Variants in GREB1L observed in about 807,000 individuals in gnomAD.
GREB1L encodes GREB1 like retinoic acid receptor coactivator, also known as GREB1-like protein.
Under a neutral mutation model 200.8 loss-of-function variants are expected in GREB1L, and 17 were observed. That is an observed-to-expected ratio of 0.08 (90% CI 0.06 to 0.13). The LOEUF (loss-of-function observed/expected upper bound fraction) is 0.13, where lower values mean the gene tolerates loss of function less well. GREB1L is among the 10% of genes least tolerant of loss of function. GREB1L has a pLI of 1.00. For synonymous variants in GREB1L, 789 were observed against 893.0 expected, an observed-to-expected ratio of 0.88 and a Z score of 2.08; for missense variants, 1,657 against 2,367.7, an observed-to-expected ratio of 0.70 and a Z score of 6.23.
chr18:21,456,205 C>T (rs948646212), intron 15 of GREB1L, among the ~76,000 whole-genome samples: 6 of 152,120 alleles, frequency 3.9e-5, no homozygotes, highest in Admixed American at 3.3e-4. Flanking sequence ...CATACCCAGC[C>T]CGGATTCTGC....
intron 25 of GREB1L, among the ~76,000 whole-genome samples, chr18:21,507,802 ACAGATATAT>A (rs1467749881): frequency 6.6e-6 from 1 of 152,216 alleles, no homozygotes; most frequent in African/African-American, 2.4e-5. Context: ...AGGACATCCC[ACAGATATAT>A]CTGACCTCTG....
intron 17 of GREB1L, among the ~76,000 whole-genome samples, chr18:21,482,149 G>T (rs1399978636): frequency 6.6e-6 from 1 of 152,200 alleles, no homozygotes; most frequent in Non-Finnish European, 1.5e-5. Flanking sequence ...AAAATGGATG[G>T]GAGACATGGT....
At chr18:21,329,720 G>A (rs1050400831) in intron 1 of GREB1L, among the ~76,000 whole-genome samples, 2 of 152,056 alleles carry the variant, frequency 1.3e-5, no homozygotes, top group African/African-American at 4.8e-5. Flanking sequence ...CAAAAACAAT[G>A]AGGATTGGTC....
Position 21,517,265 on chromosome 18 carries a change from A to AT in GREB1L, c.5271+513dup, listed in dbSNP as rs2037452449. Among the ~76,000 whole-genome samples, 3 of 152,314 alleles carry AT rather than the reference A, an allele frequency of 2.0e-5. No individual in the cohort carries two copies. In the South Asian group the frequency reaches 6.2e-4, roughly 32 times the overall value. On this transcript the variant is annotated intron_variant, in intron 30 of 32. Transcript: ENST00000424526. ...ACATTTGTTTTGACAATCCAACAAA[A>AT]TTACTTTAGATGTCAGCCTTAAATC...
chr18:21,248,655 A>T (rs2037647172), intron 1 of GREB1L, among the ~76,000 whole-genome samples: 1 of 152,268 alleles, frequency 6.6e-6, no homozygotes, highest in Non-Finnish European at 1.5e-5. Context: ...AAATGATTAC[A>T]ACTTTTCTGG....
At chr18:21,516,797 A>G (rs759413642) in intron 30 of GREB1L, 43 bp downstream of exon 30, 5 of 1,520,224 alleles carry the variant, frequency 3.3e-6, no homozygotes, top group Non-Finnish European at 4.5e-6. Flanking sequence ...AATAAGCACA[A>G]TGATAATGAC....
At chr18:21,522,060 C>T (rs28433071) in intron 32 of GREB1L, among the ~76,000 whole-genome samples, 29,053 of 144,912 alleles carry the variant, frequency 0.2, 3,435 homozygotes, top group Middle Eastern at 0.3. Context: ...TTATCCAAGT[C>T]CAATAGTGCT....
At chr18:21,430,580 TC>T (rs1316784421) in intron 7 of GREB1L, among the ~76,000 whole-genome samples, 11 of 131,710 alleles carry the variant, frequency 8.4e-5, no homozygotes, top group South Asian at 2.5e-4. Context: ...TGATTTGGGA[TC>T]TTTTTTTTTT....
At chr18:21,300,974 G>A (rs550371425) in intron 1 of GREB1L, among the ~76,000 whole-genome samples, 2 of 152,282 alleles carry the variant, frequency 1.3e-5, no homozygotes, top group East Asian at 3.9e-4. Context: ...GGAAGTTTGA[G>A]TCTTTCCTGT....
chr18:21,249,809 G>A (rs1272952646), intron 1 of GREB1L, among the ~76,000 whole-genome samples: 1 of 151,550 alleles, frequency 6.6e-6, no homozygotes, highest in Non-Finnish European at 1.5e-5. Context: ...GCGGTGAGCT[G>A]AGATTGCGCC....
chr18:21,473,498 G>A (rs1278755739), intron 16 of GREB1L, among the ~76,000 whole-genome samples: 2 of 150,696 alleles, frequency 1.3e-5, no homozygotes, highest in Admixed American at 6.6e-5. Flanking sequence ...GAACCCAGGC[G>A]CTGGAGGTTC....
intron 1 of GREB1L, among the ~76,000 whole-genome samples, chr18:21,261,832 C>T (rs1313209514): frequency 6.6e-6 from 1 of 151,978 alleles, no homozygotes; most frequent in Non-Finnish European, 1.5e-5. Flanking sequence ...AAAGAAAAGA[C>T]TTTTGTTTAT....
intron 16 of GREB1L, among the ~76,000 whole-genome samples, chr18:21,476,105 G>A (rs561882910): frequency 6.6e-6 from 1 of 151,664 alleles, no homozygotes; most frequent in South Asian, 2.1e-4. Context: ...GGGGTCGGGG[G>A]TGGCAAATAG....
intron 7 of GREB1L, among the ~76,000 whole-genome samples, chr18:21,419,431 G>A (rs554099999): frequency 2.6e-5 from 4 of 152,000 alleles, no homozygotes; most frequent in African/African-American, 9.7e-5. Flanking sequence ...AAATAAACCC[G>A]CACATACAGG....
intron 19 of GREB1L, among the ~76,000 whole-genome samples, chr18:21,491,226 A>T (rs1308432592): frequency 6.6e-6 from 1 of 152,162 alleles, no homozygotes; most frequent in South Asian, 2.1e-4. Flanking sequence ...TCTGCGCCCT[A>T]TACATTAAAT....
intron 7 of GREB1L, among the ~76,000 whole-genome samples, chr18:21,429,369 G>A (rs1484162084): frequency 6.9e-6 from 1 of 144,982 alleles, no homozygotes; most frequent in East Asian, 2.0e-4. Context: ...TTGAGACAGG[G>A]TCTTGTTCTG....
chr18:21,267,223 C>A (rs1567913973), intron 1 of GREB1L, among the ~76,000 whole-genome samples: 1 of 147,464 alleles, frequency 6.8e-6, no homozygotes, highest in Non-Finnish European at 1.5e-5. Context: ...GACGGAGCAC[C>A]CAGGCTGGAC....
chr18:21,385,124 A>G (rs1598734122), intron 4 of GREB1L, among the ~76,000 whole-genome samples: 2 of 152,124 alleles, frequency 1.3e-5, no homozygotes, highest in Admixed American at 6.6e-5. Context: ...ATCCCAGCCT[A>G]ATTAGTTCAT....
chr18:21,253,828 CTT>C (rs34861643), intron 1 of GREB1L, among the ~76,000 whole-genome samples: 22 of 115,802 alleles, frequency 1.9e-4, no homozygotes, highest in East Asian at 2.5e-4. Context: ...GACTTCCAGG[CTT>C]TTTTTTTTTT....
Sources: gnomAD v4.1 joint callset for allele counts (sites outside exome capture counted in the v4.1 genomes callset) on GRCh38, gnomAD v4.1.1 for gene constraint, MANE v1.5 for transcripts, NCBI Gene and HGNC (gene_info 2026-07-23, HGNC 2026-07-21) for gene names.